WDR64: variants seen among roughly 807,000 people sequenced by gnomAD.
The protein encoded by WDR64 is WD repeat domain 64.
A neutral mutation model predicts 139.3 loss-of-function variants in WDR64; 112 were observed. The ratio of observed to expected loss-of-function variants is 0.80; its 90% CI spans 0.69 to 0.94. WDR64 has a LOEUF of 0.94. WDR64 is among the 40% of genes least tolerant of loss of function. The pLI is 0.00. For missense variants in WDR64, 1,206 were observed against 1,293.1 expected, an observed-to-expected ratio of 0.93 and a Z score of 1.03; for synonymous variants, 444 against 437.7, an observed-to-expected ratio of 1.01 and a Z score of -0.18.
chr1:241,738,974 G>A (rs549014285), intron 11 of WDR64, among the ~76,000 whole-genome samples: 4 of 152,248 alleles, frequency 2.6e-5, no homozygotes, highest in South Asian at 2.1e-4. Context: ...ATTTTACAGC[G>A]GCTGCACCAG....
chr1:241,757,042 A>G (rs553565281), intron 14 of WDR64, among the ~76,000 whole-genome samples: 3 of 152,288 alleles, frequency 2.0e-5, no homozygotes, highest in South Asian at 4.1e-4. Context: ...TGTAGAAAGT[A>G]TATGTATGTA....
chr1:241,692,574 C>T (rs112004853), intron 8 of WDR64, among the ~76,000 whole-genome samples: 3 of 152,296 alleles, frequency 2.0e-5, no homozygotes, highest in African/African-American at 7.2e-5. Flanking sequence ...AATTGATGAG[C>T]TGTACTTCAT....
intron 17 of WDR64, among the ~76,000 whole-genome samples, chr1:241,770,062 T>C (rs1240405428): frequency 6.6e-6 from 1 of 152,220 alleles, no homozygotes; most frequent in Non-Finnish European, 1.5e-5. Context: ...AATCAGAAGC[T>C]TCTGTGCTGG....
At chr1:241,697,243 T>G (rs1241244832) in intron 8 of WDR64, among the ~76,000 whole-genome samples, 1 of 152,228 alleles carries the variant, frequency 6.6e-6, no homozygotes, top group Non-Finnish European at 1.5e-5. Flanking sequence ...TTCACTGATA[T>G]CCTGTCCTCC....
Position 241,772,791 on chromosome 1 carries a change from G to A in WDR64, c.2291-1G>A, listed in dbSNP as rs1264646244. 1 of 1,551,520 alleles carries A rather than the reference G, an allele frequency of 6.4e-7. No individual in the cohort carries two copies. The highest frequency in any genetic ancestry group is 1.4e-5 in the African/African-American group (1 of 72,970). ...TGATAGTTCATTAATTTCTCGAATAGGTGAACAAACAGATGTAATGGTGGG... is the reference window on the plus strand; with the variant it reads ...TGATAGTTCATTAATTTCTCGAATAAGTGAACAAACAGATGTAATGGTGGG... On this transcript the variant is annotated splice_acceptor_variant, in intron 19 of 27. Transcript: ENST00000437684. LOFTEE classifies it high-confidence loss of function.
chr1:241,742,917 G>C (rs1032218145), intron 12 of WDR64, among the ~76,000 whole-genome samples: 2 of 152,176 alleles, frequency 1.3e-5, no homozygotes, highest in African/African-American at 2.4e-5. Flanking sequence ...GGAGGTGTTT[G>C]CTTCAGGTGT....
intron 9 of WDR64, among the ~76,000 whole-genome samples, chr1:241,718,666 C>T (rs1330348258): frequency 6.6e-6 from 1 of 152,158 alleles, no homozygotes; most frequent in Non-Finnish European, 1.5e-5. Context: ...TTTTAGCCAA[C>T]TTGAGCTGCC....
chr1:241,706,109 A>G (rs1167085481), intron 8 of WDR64, among the ~76,000 whole-genome samples: 2 of 152,034 alleles, frequency 1.3e-5, no homozygotes, highest in Admixed American at 1.3e-4. Context: ...CTAAGCTTTT[A>G]TTTTTGCCTT....
At chr1:241,714,468 C>T (rs1262901243) in intron 9 of WDR64, among the ~76,000 whole-genome samples, 2 of 152,238 alleles carry the variant, frequency 1.3e-5, no homozygotes, top group East Asian at 3.9e-4. Context: ...ACATACACAG[C>T]AGGCGGTTTG....
In WDR64 at chr1:241,744,374, T is replaced by G. The variant is rs1489043312; in HGVS notation, c.1471-19T>G. ...GCTTCTTCAAACGGATTACTTGATA[T>G]TTTCGTTCTTTCCCATAGGTATGGG... On this transcript the variant is annotated intron_variant, in intron 12 of 27. Coordinates refer to ENST00000437684, the MANE Select transcript of WDR64 (RefSeq NM_001367482.1). 1.3e-5 allele frequency: 21 copies of G among 1,612,800 alleles called. No individual in the cohort carries two copies. The highest frequency in any genetic ancestry group is 1.7e-5 in the Non-Finnish European group (20 of 1,179,694).
intron 15 of WDR64, among the ~76,000 whole-genome samples, chr1:241,760,448 G>T (rs1670383386): frequency 6.7e-6 from 1 of 149,762 alleles, no homozygotes; most frequent in South Asian, 2.1e-4. Context: ...CATTGCCATG[G>T]CAAAGAAGGC....
At chr1:241,733,025 G>C (rs1391929500) in intron 10 of WDR64, among the ~76,000 whole-genome samples, 2 of 151,886 alleles carry the variant, frequency 1.3e-5, no homozygotes, top group Non-Finnish European at 2.9e-5. Context: ...CTTACAAAAG[G>C]CTCCAGAAGT....
chr1:241,695,270 A>T (rs1044364093), intron 8 of WDR64, among the ~76,000 whole-genome samples: 3 of 152,152 alleles, frequency 2.0e-5, no homozygotes, highest in Non-Finnish European at 2.9e-5. Flanking sequence ...GAGGGTTTTT[A>T]AAAAAATATC....
intron 20 of WDR64, among the ~76,000 whole-genome samples, chr1:241,773,657 G>A (rs1331182999): frequency 2.6e-5 from 4 of 152,038 alleles, no homozygotes; most frequent in Non-Finnish European, 4.4e-5. Context: ...TAGTAGAGAC[G>A]GGGTTTCACC....
chr1:241,652,840 T>G (rs7537781), intron 1 of WDR64, among the ~76,000 whole-genome samples: 147,584 of 152,222 alleles, frequency 0.97, 71,720 homozygotes, highest in East Asian at 1. Flanking sequence ...TTTTTGTTTT[T>G]TTTTTTTACT....
chr1:241,728,357 A>G, intron 10 of WDR64, among the ~76,000 whole-genome samples: 1 of 151,694 alleles, frequency 6.6e-6, no homozygotes, highest in Non-Finnish European at 1.5e-5. Flanking sequence ...AGAAAAAAAA[A>G]GCAAACTAGG....
At position 241,766,093 on chromosome 1, in the gene WDR64, A is replaced by G. The variant is rs1465890483; in HGVS notation, c.1948-125A>G. On this transcript the variant is annotated intron_variant, in intron 15 of 27. Transcript: ENST00000437684. ...ATTTTACTAAATTTCATGCTCTGAT[A>G]TTAAAAATATATATAATAAGGCATT... The G allele has an allele frequency of 1.0e-5, 9 of 881,324 alleles. No homozygotes were observed. The Admixed American group carries it at 1.1e-4, about 10-fold the overall frequency. 54.6% of individuals were successfully genotyped at this position (881,324 alleles called of 1,614,324 possible).
chr1:241,763,274 T>C (rs551706975), intron 15 of WDR64, among the ~76,000 whole-genome samples: 4 of 152,336 alleles, frequency 2.6e-5, no homozygotes, highest in South Asian at 4.1e-4. Flanking sequence ...TTATAAACTA[T>C]TGAAACACAA....
chr1:241,792,963 C>G (rs971661254), intron 25 of WDR64, among the ~76,000 whole-genome samples: 8 of 152,156 alleles, frequency 5.3e-5, no homozygotes, highest in African/African-American at 1.7e-4. Flanking sequence ...TAGCAAATCC[C>G]TGAAAGCAGC....
Sources: gnomAD v4.1 joint callset for allele counts (sites outside exome capture counted in the v4.1 genomes callset) on GRCh38, gnomAD v4.1.1 for gene constraint, MANE v1.5 for transcripts, NCBI Gene and HGNC (gene_info 2026-07-23, HGNC 2026-07-21) for gene names.